Variants in MCC observed in about 807,000 individuals in gnomAD.
MCC encodes MCC regulator of Wnt signaling pathway, also known as colorectal mutant cancer protein.
In MCC, 90 loss-of-function variants were observed where a neutral mutation model predicts 116.2. The ratio of observed to expected loss-of-function variants is 0.77; its 90% CI spans 0.65 to 0.92. MCC has a LOEUF of 0.92. Ranked by LOEUF, MCC falls within the 40% of genes least tolerant of loss-of-function variation. MCC has a pLI of 0.00. For missense variants in MCC, 1,516 were observed against 1,312.2 expected (o/e 1.16, Z -2.40); for synonymous variants, 578 against 510.5 (o/e 1.13, Z -1.78).
rs979507769 is a variant in MCC, at chr5:113,287,797, T to A, written c.627+52722A>T. 2.6e-5 allele frequency among the ~76,000 whole-genome samples: 4 copies of A among 152,230 alleles called. No homozygotes were observed. In the East Asian group the frequency reaches 7.7e-4, roughly 29 times the overall value. ...TCACCATGACATTCCCTACTCTAGA[T>A]AAGTGTGCCCACTCACACTCAGGGT... On this transcript the variant is annotated intron_variant, in intron 3 of 18. Transcript: ENST00000408903.
chr5:113,401,344 G>C (rs1480033837), intron 1 of MCC, among the ~76,000 whole-genome samples: 1 of 152,084 alleles, frequency 6.6e-6, no homozygotes, highest in African/African-American at 2.4e-5. Context: ...TTGTAAAAAA[G>C]GAGTAAAGGT....
intron 2 of MCC, 76 bp downstream of exon 2, chr5:113,384,892 A>T (rs937959093): frequency 6.5e-7 from 1 of 1,536,796 alleles, no homozygotes; most frequent in African/African-American, 1.4e-5. Context: ...CATGATGGGG[A>T]GGCTACTCTC....
intron 3 of MCC, among the ~76,000 whole-genome samples, chr5:113,289,748 G>T (rs1162780433): frequency 1.3e-5 from 2 of 152,180 alleles, no homozygotes; most frequent in Admixed American, 1.3e-4. Context: ...TCTAGTCACT[G>T]ACACAAGTCT....
chr5:113,352,521 C>T (rs963240888), intron 2 of MCC, among the ~76,000 whole-genome samples: 2 of 152,084 alleles, frequency 1.3e-5, no homozygotes, highest in Non-Finnish European at 2.9e-5. Context: ...ATAGATTCTA[C>T]AAGAAATACT....
At chr5:113,319,998 G>A (rs1158022291) in intron 3 of MCC, among the ~76,000 whole-genome samples, 1 of 152,104 alleles carries the variant, frequency 6.6e-6, no homozygotes, top group Non-Finnish European at 1.5e-5. Context: ...CAACAGCATG[G>A]CTATTACAGT....
chr5:113,373,612 G>C (rs1373746337), intron 2 of MCC, among the ~76,000 whole-genome samples: 1 of 152,156 alleles, frequency 6.6e-6, no homozygotes, highest in African/African-American at 2.4e-5. Context: ...AAGAACTCTT[G>C]TTCGCTCCTC....
chr5:113,370,019 G>C (rs1160569810), intron 2 of MCC, among the ~76,000 whole-genome samples: 1 of 152,176 alleles, frequency 6.6e-6, no homozygotes, highest in East Asian at 1.9e-4. Flanking sequence ...AAGAACAAAA[G>C]TATTTCTTGG....
intron 14 of MCC, among the ~76,000 whole-genome samples, chr5:113,055,434 G>A (rs1230556839): frequency 6.6e-6 from 1 of 152,194 alleles, no homozygotes; most frequent in Non-Finnish European, 1.5e-5. Context: ...ACATTGCTAC[G>A]AAGACAAGGC....
At chr5:113,309,745 A>G (rs1767091199) in intron 3 of MCC, among the ~76,000 whole-genome samples, 1 of 152,116 alleles carries the variant, frequency 6.6e-6, no homozygotes, top group African/African-American at 2.4e-5. Context: ...GTAGATATCC[A>G]GTATCTGGGT....
rs1026590559 is a variant in MCC at position 113,154,124 on chromosome 5, G to A, written c.628-2702C>T. On this transcript the variant is annotated intron_variant, in intron 3 of 18. Transcript: ENST00000408903. The stretch of plus-strand genomic sequence containing the variant: ...GTGGTTTTAAGCTGTTTTTTTGTTT[G>A]GGTACTTTTTGTTTAATGAGCATTT... Among the ~76,000 whole-genome samples the A allele has an allele frequency of 2.6e-5, 4 of 152,128 alleles. 1 individual carries two copies. The highest frequency in any genetic ancestry group is 1.3e-4 in the Admixed American group (2 of 15,282).
chr5:113,270,252 T>C (rs1233130275), intron 3 of MCC, among the ~76,000 whole-genome samples: 1 of 152,184 alleles, frequency 6.6e-6, no homozygotes, highest in Non-Finnish European at 1.5e-5. Context: ...TCTAAGTCAG[T>C]AATGAATAAT....
intron 4 of MCC, among the ~76,000 whole-genome samples, chr5:113,150,795 C>A (rs1759812871): frequency 6.6e-6 from 1 of 152,138 alleles, no homozygotes; most frequent in Non-Finnish European, 1.5e-5. Context: ...GGCACAAGGG[C>A]TCATGCCTGT....
chr5:113,277,995 TAGG>T (rs1469628153), intron 3 of MCC, among the ~76,000 whole-genome samples: 9 of 152,312 alleles, frequency 5.9e-5, no homozygotes, highest in East Asian at 1.9e-4. Context: ...TGGATTTTAC[TAGG>T]AGATCTCCAG....
At chr5:113,133,341 C>T (rs984819992) in intron 5 of MCC, among the ~76,000 whole-genome samples, 1 of 152,166 alleles carries the variant, frequency 6.6e-6, no homozygotes, top group African/African-American at 2.4e-5. Flanking sequence ...TCTCTATCTT[C>T]ATGAGATCCA....
chr5:113,429,541 C>T (rs1770572623), intron 1 of MCC, among the ~76,000 whole-genome samples: 1 of 152,232 alleles, frequency 6.6e-6, no homozygotes, highest in African/African-American at 2.4e-5. Flanking sequence ...TTATTCCTCA[C>T]AGATGCCTCG....
At chr5:113,162,820 C>T (rs889331529) in intron 3 of MCC, among the ~76,000 whole-genome samples, 3 of 152,210 alleles carry the variant, frequency 2.0e-5, no homozygotes, top group Non-Finnish European at 4.4e-5. Flanking sequence ...TTACTGACCA[C>T]AATTATCATA....
intron 1 of MCC, among the ~76,000 whole-genome samples, chr5:113,455,107 T>C (rs1771506056): frequency 6.6e-6 from 1 of 152,198 alleles, no homozygotes; most frequent in Non-Finnish European, 1.5e-5. Flanking sequence ...CAGTCCAACC[T>C]GACTTCTTGC....
At chr5:113,163,190 C>A (rs1041026888) in intron 3 of MCC, among the ~76,000 whole-genome samples, 2 of 152,066 alleles carry the variant, frequency 1.3e-5, no homozygotes, top group African/African-American at 4.8e-5. Flanking sequence ...ATAATGACCC[C>A]AAAATCAATT....
At chr5:113,413,307 C>T (rs1770046225) in intron 1 of MCC, among the ~76,000 whole-genome samples, 1 of 152,098 alleles carries the variant, frequency 6.6e-6, no homozygotes, top group East Asian at 1.9e-4. Flanking sequence ...GGCAGGATTC[C>T]CTCTTTTTCT....
Sources: allele counts gnomAD v4.1 joint callset (sites outside exome capture counted in the v4.1 genomes callset), GRCh38; gene constraint gnomAD v4.1.1; transcripts MANE v1.5; gene names NCBI Gene and HGNC (gene_info 2026-07-23, HGNC 2026-07-21).